RPRD2: variants seen among roughly 807,000 people sequenced by gnomAD.
RPRD2 encodes regulation of nuclear pre-mRNA domain-containing protein 2.
In RPRD2, 12 loss-of-function variants were observed where a neutral mutation model predicts 104.4. The ratio of observed to expected loss-of-function variants is 0.11; its 90% CI spans 0.07 to 0.19. RPRD2 has a LOEUF of 0.19. Ranked by LOEUF, RPRD2 falls within the 10% of genes least tolerant of loss-of-function variation. The pLI is 1.00. For missense variants in RPRD2, 1,543 were observed against 1,790.1 expected (o/e 0.86, Z 2.49); for synonymous variants, 714 against 684.9 (o/e 1.04, Z -0.66).
At chr1:150,431,451 T>C (rs1201601114) in intron 2 of RPRD2, among the ~76,000 whole-genome samples, 1 of 143,456 alleles carries the variant, frequency 7.0e-6, no homozygotes, top group Non-Finnish European at 1.5e-5. Context: ...CATGGAATAT[T>C]ATTCAGTCTT....
intron 10 of RPRD2, 43 bp from the exon 11 acceptor site, chr1:150,470,518 A>G (rs1668520637): frequency 1.3e-6 from 2 of 1,574,476 alleles, no homozygotes; most frequent in East Asian, 4.5e-5. Flanking sequence ...ATTGTATGAT[A>G]GGGAGTTGTT....
At chr1:150,443,306 T>C (rs376884173) in intron 5 of RPRD2, 23 bp downstream of exon 5, 2 of 1,490,018 alleles carry the variant, frequency 1.3e-6, no homozygotes, top group East Asian at 2.4e-5. Flanking sequence ...ATTTGTTTAA[T>C]ATAGCAAAGT....
intron 1 of RPRD2, among the ~76,000 whole-genome samples, chr1:150,416,629 G>A (rs1266546724): frequency 6.6e-6 from 1 of 151,994 alleles, no homozygotes; most frequent in Non-Finnish European, 1.5e-5. Context: ...AGCACTTTGG[G>A]GAGGCCAAAG....
chr1:150,373,752 T>C (rs991148387), intron 1 of RPRD2, among the ~76,000 whole-genome samples: 25 of 152,130 alleles, frequency 1.6e-4, no homozygotes, highest in Non-Finnish European at 3.5e-4. Flanking sequence ...ATTGTTTTAG[T>C]ATATTCATAG....
intron 1 of RPRD2, among the ~76,000 whole-genome samples, chr1:150,391,665 T>C (rs1369243993): frequency 1.3e-5 from 2 of 152,166 alleles, no homozygotes; most frequent in East Asian, 3.9e-4. Flanking sequence ...CCCAACACTC[T>C]GGGAGGCTGA....
chr1:150,369,547 C>G (rs1201668390), intron 1 of RPRD2, among the ~76,000 whole-genome samples: 1 of 145,202 alleles, frequency 6.9e-6, no homozygotes, highest in Non-Finnish European at 1.5e-5. Context: ...AGCTCCGCCT[C>G]CCGGGTTCAC....
chr1:150,436,390 G>A (rs893787202), intron 2 of RPRD2, among the ~76,000 whole-genome samples: 2 of 151,030 alleles, frequency 1.3e-5, no homozygotes, highest in African/African-American at 4.9e-5. Flanking sequence ...TCACGAGGTC[G>A]GGAGATCGAG....
chr1:150,378,921 G>T (rs1251195643), intron 1 of RPRD2, among the ~76,000 whole-genome samples: 2 of 148,938 alleles, frequency 1.3e-5, no homozygotes, highest in African/African-American at 5.0e-5. Context: ...GGTGGAAGTT[G>T]CAGTGAGCCG....
At chr1:150,444,429 A>G in intron 6 of RPRD2, 52 bp downstream of exon 6, 1 of 1,575,776 alleles carries the variant, frequency 6.3e-7, no homozygotes, top group Non-Finnish European at 8.6e-7. Flanking sequence ...CATATGTGTC[A>G]TTTTTCCAGT....
At chr1:150,383,306 G>GTTT (rs1553881149) in intron 1 of RPRD2, among the ~76,000 whole-genome samples, 6 of 126,754 alleles carry the variant, frequency 4.7e-5, no homozygotes, top group African/African-American at 9.4e-5. Flanking sequence ...CAAATAAGAG[G>GTTT]TTTTTTTTTT....
At chr1:150,371,923 C>G (rs1327449359) in intron 1 of RPRD2, among the ~76,000 whole-genome samples, 9 of 150,766 alleles carry the variant, frequency 6.0e-5, no homozygotes, top group Admixed American at 5.9e-4. Context: ...TGTTTTTTTC[C>G]CCCTCTGTGG....
chr1:150,373,533 C>CTTTTTTTT (rs56743462), intron 1 of RPRD2, among the ~76,000 whole-genome samples: 35,016 of 96,078 alleles, frequency 0.36, 8,684 homozygotes, highest in Non-Finnish European at 0.44. Flanking sequence ...TCAAGAATGA[C>CTTTTTTTT]TTTTTTTTTT....
rs587765648 is a variant in RPRD2 at position 150,364,215 on chromosome 1, C to A, written c.-500C>A. Among the ~76,000 whole-genome samples the A allele has an allele frequency of 6.6e-6, 1 of 152,200 alleles. No individual in the cohort carries two copies. The highest frequency in any genetic ancestry group is 2.1e-4 in the South Asian group (1 of 4,836). On this transcript the variant is annotated 5_prime_UTR_variant, in exon 1 of 11. The change creates a new upstream start codon in the 5' untranslated region. Transcript: ENST00000369068. ...CTGACTAGGTAGCCTTGGACCTTTTCTGTGCTAGCGAGTCTAAAGGAAAGA... is the reference window on the plus strand; with the variant it reads ...CTGACTAGGTAGCCTTGGACCTTTTATGTGCTAGCGAGTCTAAAGGAAAGA...
chr1:150,456,593 C>G (rs1553897604), intron 7 of RPRD2, among the ~76,000 whole-genome samples: 1 of 150,042 alleles, frequency 6.7e-6, no homozygotes, highest in East Asian at 2.0e-4. Flanking sequence ...CATAGCAGGA[C>G]CTCATCTCTC....
intron 6 of RPRD2, among the ~76,000 whole-genome samples, 193 bp downstream of exon 6, chr1:150,444,570 T>G (rs1018968848): frequency 1.3e-5 from 2 of 152,214 alleles, no homozygotes; most frequent in Non-Finnish European, 2.9e-5. Context: ...TCTAGTACTT[T>G]CTTGGTGTAC....
chr1:150,418,126 T>G (rs1286327837), intron 2 of RPRD2, among the ~76,000 whole-genome samples: 1 of 151,992 alleles, frequency 6.6e-6, no homozygotes, highest in African/African-American at 2.4e-5. Context: ...TGCTACCATG[T>G]CCGGCTAATT....
intron 1 of RPRD2, among the ~76,000 whole-genome samples, chr1:150,379,198 G>A (rs1392721726): frequency 6.6e-6 from 1 of 150,882 alleles, no homozygotes; most frequent in African/African-American, 2.4e-5. Context: ...CAGGAGAATT[G>A]CTTGAACCTG....
chr1:150,433,402 T>TA (rs1665739352), intron 2 of RPRD2, among the ~76,000 whole-genome samples: 1 of 134,734 alleles, frequency 7.4e-6, no homozygotes, highest in African/African-American at 2.6e-5. Flanking sequence ...ATATAATATA[T>TA]ATATACTATA....
intron 7 of RPRD2, 71 bp from the exon 8 acceptor site, chr1:150,457,217 C>G (rs141026109): frequency 6.8e-6 from 10 of 1,460,484 alleles, no homozygotes; most frequent in Non-Finnish European, 9.2e-6. Flanking sequence ...AAGTGAGACT[C>G]TGCCTCAAAA....
Sources: allele counts gnomAD v4.1 joint callset (sites outside exome capture counted in the v4.1 genomes callset), GRCh38; gene constraint gnomAD v4.1.1; transcripts MANE v1.5; gene names NCBI Gene and HGNC (gene_info 2026-07-23, HGNC 2026-07-21).